ZNF883: variants seen among roughly 807,000 people sequenced by gnomAD.
ZNF883 encodes zinc finger protein 883.
intron 2 of ZNF883, among the ~76,000 whole-genome samples, chr9:113,010,134 C>T (rs1422684254): frequency 6.6e-6 from 1 of 152,152 alleles, no homozygotes; most frequent in African/African-American, 2.4e-5. Context: ...ATGCTTAGAA[C>T]ATTAGCTGGC....
upstream of ZNF883, chr9:113,002,009 T>A (rs974338355): frequency 2.0e-5 from 3 of 152,206 alleles, no homozygotes; most frequent in African/African-American, 7.2e-5. Flanking sequence ...GAGATGAGGC[T>A]GTAACAGTTT....
downstream of ZNF883, chr9:112,997,065 G>A (rs1828365651): frequency 2.7e-6 from 4 of 1,466,932 alleles, no homozygotes; most frequent in Non-Finnish European, 3.6e-6. Flanking sequence ...CTTGAACTGT[G>A]AGTGCTCAGG....
upstream of ZNF883, among the ~76,000 whole-genome samples, chr9:113,001,610 T>A (rs1179237522): frequency 6.6e-6 from 1 of 152,142 alleles, no homozygotes; most frequent in East Asian, 1.9e-4. Flanking sequence ...AGCACCACCA[T>A]AATGGATAAA....
At chr9:112,999,430 G>C (rs1007504086), upstream of ZNF883, among the ~76,000 whole-genome samples, 7 of 152,008 alleles carry the variant, frequency 4.6e-5, no homozygotes, top group Non-Finnish European at 8.8e-5. Context: ...ACACCAACTA[G>C]ATATCCTACA....
chr9:113,002,875 C>T (rs1339356923), upstream of ZNF883, among the ~76,000 whole-genome samples: 1 of 152,112 alleles, frequency 6.6e-6, no homozygotes, highest in Non-Finnish European at 1.5e-5. Context: ...GGGTTTGTTC[C>T]CTTCCATGTT....
At chr9:113,004,194 C>G (rs1465515325) in intron 2 of ZNF883, among the ~76,000 whole-genome samples, 5 of 152,190 alleles carry the variant, frequency 3.3e-5, no homozygotes, top group African/African-American at 1.2e-4. Context: ...CCACCTGAAG[C>G]TAGGGAGAAG....
intron 1 of ZNF883, among the ~76,000 whole-genome samples, chr9:112,990,781 C>T (rs1303971758): frequency 6.6e-6 from 1 of 151,946 alleles, no homozygotes; most frequent in Non-Finnish European, 1.5e-5. Flanking sequence ...CTTATTATTG[C>T]CTAATTTCAG....
At chr9:112,997,891 T>C in exon 1 of ZNF883, 1 of 1,613,660 alleles carries the variant, frequency 6.2e-7, no homozygotes, top group African/African-American at 1.3e-5. Context: ...AAGGATAGGG[T>C]TTTTCTCCAG....
chr9:112,989,257 T>C (rs1452584963), intron 1 of ZNF883, among the ~76,000 whole-genome samples: 1 of 152,168 alleles, frequency 6.6e-6, no homozygotes, highest in Non-Finnish European at 1.5e-5. Flanking sequence ...ATTTATAGTT[T>C]TGGGTTTTAA....
chr9:112,997,180 A>G, exon 1 of ZNF883: 1 of 1,613,288 alleles, frequency 6.2e-7, no homozygotes, highest in Non-Finnish European at 8.5e-7. Flanking sequence ...AGGATGTACT[A>G]TGACAAAAGA....
At chr9:112,989,057 G>T (rs1213745554) in intron 1 of ZNF883, among the ~76,000 whole-genome samples, 1 of 152,076 alleles carries the variant, frequency 6.6e-6, no homozygotes, top group Non-Finnish European at 1.5e-5. Flanking sequence ...GGTTGCAAAA[G>T]TTTTCCCTCA....
At chr9:112,992,084 T>C (rs1009075952) in intron 1 of ZNF883, among the ~76,000 whole-genome samples, 8 of 152,234 alleles carry the variant, frequency 5.3e-5, no homozygotes, top group Admixed American at 5.2e-4. Context: ...CATTTACATT[T>C]AAAGTTAATA....
intron 2 of ZNF883, 83 bp downstream of exon 2, chr9:113,011,058 A>G (rs771515377): frequency 2.6e-5 from 4 of 152,142 alleles, no homozygotes; most frequent in Non-Finnish European, 4.4e-5. Context: ...GTTTAATTGC[A>G]TATGATTTTT....
downstream of ZNF883, among the ~76,000 whole-genome samples, chr9:112,996,382 C>A (rs1828354086): frequency 6.6e-6 from 1 of 152,084 alleles, no homozygotes; most frequent in Non-Finnish European, 1.5e-5. Context: ...TATTTTCAAA[C>A]CCTCTATAAA....
downstream of ZNF883, among the ~76,000 whole-genome samples, chr9:112,994,501 A>T (rs1828330249): frequency 6.6e-6 from 1 of 151,930 alleles, no homozygotes; most frequent in Non-Finnish European, 1.5e-5. Flanking sequence ...GTCATTTTAA[A>T]AATTCCATTT....
chr9:112,998,016 T>A, exon 1 of ZNF883: 1 of 1,613,078 alleles, frequency 6.2e-7, no homozygotes, highest in Non-Finnish European at 8.5e-7. Context: ...ATAAGATTAG[T>A]GCTCTGACTA....
At chr9:113,000,121 A>G (rs1828408984), upstream of ZNF883, among the ~76,000 whole-genome samples, 1 of 152,236 alleles carries the variant, frequency 6.6e-6, no homozygotes, top group Non-Finnish European at 1.5e-5. Context: ...CAAAGACCAG[A>G]TATGTTTTGT....
chr9:113,002,962 C>T (rs1828440704), upstream of ZNF883, among the ~76,000 whole-genome samples: 1 of 152,196 alleles, frequency 6.6e-6, no homozygotes, highest in Non-Finnish European at 1.5e-5. Context: ...CACTAGACAA[C>T]AAACCTGTTG....
chr9:113,010,658 C>T (rs1828524180), intron 2 of ZNF883, among the ~76,000 whole-genome samples: 1 of 152,066 alleles, frequency 6.6e-6, no homozygotes, highest in Admixed American at 6.6e-5. Context: ...ACATGTTACA[C>T]ATGATGAATA....
Sources: allele counts gnomAD v4.1 joint callset (sites outside exome capture counted in the v4.1 genomes callset), GRCh38; gene constraint gnomAD v4.1.1; transcripts MANE v1.5; gene names NCBI Gene and HGNC (gene_info 2026-07-23, HGNC 2026-07-21).